The following TMC1 variants were observed in gnomAD, a reference collection of about 807,000 sequenced individuals.
TMC1 encodes the protein transmembrane channel-like protein 1.
A neutral mutation model predicts 105.8 loss-of-function variants in TMC1; 84 were observed. The ratio of observed to expected loss-of-function variants is 0.79; its 90% confidence interval spans 0.67 to 0.95. TMC1 has a LOEUF of 0.95. Among genes scored for constraint, TMC1 ranks in the 40% least tolerant of loss-of-function variants. TMC1 has a pLI of 0.00. For missense variants in TMC1, 817 were observed against 914.1 expected, an observed-to-expected ratio of 0.89 and a Z score of 1.37; for synonymous variants, 315 against 311.5, an observed-to-expected ratio of 1.01 and a Z score of -0.12.
chr9:72,572,641 T>C (rs1192465251), intron 1 of TMC1, among the ~76,000 whole-genome samples: 1 of 152,162 alleles, frequency 6.6e-6, no homozygotes, highest in Non-Finnish European at 1.5e-5. Flanking sequence ...CACTAGCAAT[T>C]TGTACACTTT....
At chr9:72,675,010 TAAG>T (rs1484921301) in intron 5 of TMC1, among the ~76,000 whole-genome samples, 1 of 152,182 alleles carries the variant, frequency 6.6e-6, no homozygotes, top group Admixed American at 6.5e-5. Context: ...GTAAGATCCT[TAAG>T]AAGAATGCAG....
chr9:72,552,478 G>A (rs1361154589), intron 1 of TMC1, among the ~76,000 whole-genome samples: 7 of 152,146 alleles, frequency 4.6e-5, no homozygotes, highest in Non-Finnish European at 8.8e-5. Context: ...AAGTGGGGGT[G>A]GAGTGGGCTG....
At chr9:72,708,986 C>T (rs1393821333) in intron 8 of TMC1, among the ~76,000 whole-genome samples, 9 of 145,294 alleles carry the variant, frequency 6.2e-5, no homozygotes. Flanking sequence ...TTGTCAAATG[C>T]TTTTTCTGTG....
intron 8 of TMC1, among the ~76,000 whole-genome samples, chr9:72,708,741 C>G (rs1826785964): frequency 6.6e-6 from 1 of 152,108 alleles, no homozygotes; most frequent in Non-Finnish European, 1.5e-5. Flanking sequence ...CTTTACCAAT[C>G]TGGATGCCCT....
At chr9:72,698,713 A>C (rs1826592212) in intron 7 of TMC1, among the ~76,000 whole-genome samples, 1 of 152,188 alleles carries the variant, frequency 6.6e-6, no homozygotes, top group Non-Finnish European at 1.5e-5. Flanking sequence ...AAAGGGTTGA[A>C]ACGAAAACAC....
chr9:72,558,160 TTCTC>T (rs1008147369), intron 1 of TMC1, among the ~76,000 whole-genome samples: 1 of 151,782 alleles, frequency 6.6e-6, no homozygotes, highest in Admixed American at 6.6e-5. Flanking sequence ...CTCTCTCTCT[TTCTC>T]TCTTTCTCTC....
chr9:72,632,492 G>A (rs1825467155), intron 4 of TMC1, among the ~76,000 whole-genome samples: 1 of 152,144 alleles, frequency 6.6e-6, no homozygotes, highest in African/African-American at 2.4e-5. Flanking sequence ...CCAGGGCATA[G>A]GGTAAGAGGA....
At chr9:72,730,470 A>G (rs916100246) in intron 8 of TMC1, among the ~76,000 whole-genome samples, 1 of 152,190 alleles carries the variant, frequency 6.6e-6, no homozygotes, top group African/African-American at 2.4e-5. Context: ...CAACAGTTCC[A>G]TATTCTGCCC....
chr9:72,723,572 A>G (rs1290696153), intron 8 of TMC1, among the ~76,000 whole-genome samples: 2 of 152,228 alleles, frequency 1.3e-5, no homozygotes, highest in African/African-American at 4.8e-5. Context: ...TTGTATTGTT[A>G]TGAGTGCTTA....
At chr9:72,673,078 A>C (rs979667511) in intron 5 of TMC1, among the ~76,000 whole-genome samples, 8 of 152,206 alleles carry the variant, frequency 5.3e-5, no homozygotes, top group Non-Finnish European at 1.2e-4. Flanking sequence ...GCAAATCCCC[A>C]AATATTTGGT....
chr9:72,606,996 T>TAGAGAGAG (rs757833291), intron 2 of TMC1, among the ~76,000 whole-genome samples: 1,110 of 99,792 alleles, frequency 0.011, 10 homozygotes, highest in Middle Eastern at 0.02. Context: ...TATATATATA[T>TAGAGAGAG]ATATATAGAG....
intron 3 of TMC1, among the ~76,000 whole-genome samples, chr9:72,622,540 A>T (rs1410690082): frequency 6.6e-6 from 1 of 152,086 alleles, no homozygotes; most frequent in Non-Finnish European, 1.5e-5. Context: ...GTCCTCCTTT[A>T]TATATCTTTT....
chr9:72,561,243 G>T, intron 1 of TMC1, among the ~76,000 whole-genome samples: 1 of 150,776 alleles, frequency 6.6e-6, no homozygotes, highest in East Asian at 2.0e-4. Flanking sequence ...GCGTGAACCC[G>T]GGAGGCACAG....
chr9:72,804,272 A>G (rs1305506606), intron 17 of TMC1, among the ~76,000 whole-genome samples: 3 of 152,184 alleles, frequency 2.0e-5, no homozygotes, highest in Non-Finnish European at 4.4e-5. Context: ...AAAATAGCTA[A>G]TGATTGCAGG....
At chr9:72,706,355 C>A (rs1341201654) in intron 8 of TMC1, among the ~76,000 whole-genome samples, 10 of 152,176 alleles carry the variant, frequency 6.6e-5, no homozygotes, top group Admixed American at 6.5e-4. Flanking sequence ...CACCAACATA[C>A]CCTCAAACCA....
chr9:72,837,584 G>T lies in TMC1; in HGVS notation c.*1611G>T, dbSNP rs190765469. ...CTTCTGTTGGGGGCCTTAATTTATA[G>T]ATATGTTTAAGCATTATTATGGATT... On this transcript the variant is annotated 3_prime_UTR_variant, in exon 24 of 24. Transcript: ENST00000297784. 1.3e-5 allele frequency: 2 copies of T among 152,276 alleles called. No individual in the cohort carries two copies. The highest frequency in any genetic ancestry group is 2.9e-5 in the Non-Finnish European group (2 of 68,026). The allele number at this position is 152,276 out of a possible 1,614,324, so 9.4% of individuals were successfully genotyped here.
chr9:72,794,669 A>T (rs1412156098), intron 17 of TMC1, among the ~76,000 whole-genome samples: 1 of 152,230 alleles, frequency 6.6e-6, no homozygotes, highest in Non-Finnish European at 1.5e-5. Flanking sequence ...CTACACACTG[A>T]GATGAGAAAG....
rs1395661854 is a variant in TMC1 at position 72,837,244 on chromosome 9, G to A, written c.*1271G>A. 6.6e-6 allele frequency: 1 copy of A among 152,216 alleles called. No homozygotes were observed. Among genetic ancestry groups the A allele is most frequent in the African/African-American group, 2.4e-5 (1 of 41,442 alleles). The allele number at this position is 152,216 out of a possible 1,614,324, so 9.4% of individuals were successfully genotyped here. On this transcript the variant is annotated 3_prime_UTR_variant, in exon 24 of 24. Coordinates refer to ENST00000297784, the MANE Select transcript of TMC1 (RefSeq NM_138691.3). ...TAGTTAAACTCTGCCATTTTGCTTA[G>A]TGGGCATGCTTGAGCCCACTTGCCC...
intron 4 of TMC1, among the ~76,000 whole-genome samples, chr9:72,641,657 C>T (rs1344875493): frequency 3.3e-5 from 4 of 120,266 alleles, no homozygotes; most frequent in Non-Finnish European, 5.3e-5. Context: ...AAACCTTGTG[C>T]CCGTGCATTC....
Sources: gnomAD v4.1 joint callset for allele counts (sites outside exome capture counted in the v4.1 genomes callset) on GRCh38, gnomAD v4.1.1 for gene constraint, MANE v1.5 for transcripts, NCBI Gene and HGNC (gene_info 2026-07-23, HGNC 2026-07-21) for gene names.